The following PNPLA8 variants were observed in gnomAD, a reference collection of about 807,000 sequenced individuals.
PNPLA8 encodes calcium-independent phospholipase A2-gamma.
A neutral mutation model predicts 76.9 loss-of-function variants in PNPLA8; 39 were observed. The observed-to-expected ratio is 0.51, with a 90% confidence interval of 0.39 to 0.66. The LOEUF (loss-of-function observed/expected upper bound fraction) is 0.66, where lower values mean the gene tolerates loss of function less well. Among genes scored for constraint, PNPLA8 ranks in the 30% least tolerant of loss-of-function variants. The probability of loss-of-function intolerance (pLI) is 0.00; values close to 1 mark genes in which losing one functional copy is unlikely to be tolerated. For missense variants in PNPLA8, 887 were observed against 918.0 expected (o/e 0.97, Z 0.44); for synonymous variants, 301 against 307.9 (o/e 0.98, Z 0.24).
chr7:108,482,740 T>C (rs1563937269), intron 9 of PNPLA8, among the ~76,000 whole-genome samples: 1 of 152,242 alleles, frequency 6.6e-6, no homozygotes, highest in Non-Finnish European at 1.5e-5. Context: ...GTCAGATTTA[T>C]ATCTAAGTGT....
Position 108,471,839 on chromosome 7 carries a change from T to G in PNPLA8, c.*562A>C, listed in dbSNP as rs1859651692. Reference sequence around the variant, plus strand: ...ACATATCTGAATAGAAAACTGTATCTGGTTCTTTTTTATGTCAAATGTAAA... The same window carrying G: ...ACATATCTGAATAGAAAACTGTATCGGGTTCTTTTTTATGTCAAATGTAAA... On this transcript the variant is annotated 3_prime_UTR_variant, in exon 11 of 11. Transcript: ENST00000257694. The G allele has an allele frequency of 6.6e-6, 1 of 152,240 alleles. No individual in the cohort carries two copies. Among genetic ancestry groups the G allele is most frequent in the Admixed American group, 6.5e-5 (1 of 15,284 alleles). 9.4% of individuals were successfully genotyped at this position (152,240 alleles called of 1,614,324 possible). A position where few individuals can be genotyped will look rare whatever the true frequency, so the allele number is the denominator to read the frequency against.
chr7:108,520,310 C>T (rs945450715), intron 2 of PNPLA8, among the ~76,000 whole-genome samples: 9 of 152,138 alleles, frequency 5.9e-5, no homozygotes, highest in Non-Finnish European at 1.2e-4. Context: ...CACAAAAACA[C>T]TTAATATAAA....
chr7:108,506,817 T>A (rs567175541), intron 4 of PNPLA8, among the ~76,000 whole-genome samples: 1 of 152,264 alleles, frequency 6.6e-6, no homozygotes, highest in South Asian at 2.1e-4. Context: ...CTGATCAACC[T>A]TTTTGGGAAC....
intron 10 of PNPLA8, among the ~76,000 whole-genome samples, chr7:108,476,115 A>T (rs1162711817): frequency 6.6e-6 from 1 of 152,132 alleles, no homozygotes. Flanking sequence ...CACAGATTAA[A>T]CCCTATAAAA....
At chr7:108,491,315 A>AAAAAT (rs1300509896) in intron 8 of PNPLA8, 95 bp downstream of exon 8, 5 of 786,700 alleles carry the variant, frequency 6.4e-6, no homozygotes, top group Non-Finnish European at 1.1e-5. Context: ...CTCAAAAAAT[A>AAAAAT]AAAATAAAAT....
chr7:108,507,285 G>A (rs1409518781), intron 4 of PNPLA8, among the ~76,000 whole-genome samples: 2 of 138,176 alleles, frequency 1.4e-5, no homozygotes, highest in Non-Finnish European at 3.1e-5. Flanking sequence ...GGAGGTTGCA[G>A]TGAGCTGAGA....
Position 108,514,499 on chromosome 7 carries a change from A to T in PNPLA8, c.993T>A (p.Asp331Glu). 1.2e-6 allele frequency: 2 copies of T among 1,613,248 alleles called. No individual in the cohort carries two copies. Among genetic ancestry groups the T allele is most frequent in the Non-Finnish European group, 1.7e-6 (2 of 1,179,264 alleles). Residue 331 changes from aspartate to glutamate, a missense_variant, in exon 3 of 11, where the codon GAT becomes GAA. By Grantham distance (45) the Asp-to-Glu change is conservative. Coordinates refer to ENST00000257694, the MANE Select transcript of PNPLA8 (RefSeq NM_001256007.3). ...CATTTCTGTCTTTGCTGACAGCCTG[A>T]TCAGTTTTAGCAGGCTCTTCCTGTT... ...SEEQEEPAKT[D>E]QAVSKDRNAE...
At chr7:108,505,941 C>A (rs1346035960) in intron 4 of PNPLA8, among the ~76,000 whole-genome samples, 2 of 152,000 alleles carry the variant, frequency 1.3e-5, no homozygotes, top group Non-Finnish European at 2.9e-5. Context: ...TAGGCAAGAT[C>A]TGGAATAGGT....
Position 108,496,576 on chromosome 7 carries a change from T to C in PNPLA8, c.1625+8A>G, listed in dbSNP as rs372287503. 158 of 1,564,164 alleles carry C rather than the reference T, an allele frequency of 1.0e-4. No homozygotes were observed. The highest frequency in any genetic ancestry group is 1.3e-4 in the Non-Finnish European group (153 of 1,148,892). On this transcript the variant is annotated splice_region_variant and intron_variant, in intron 7 of 10. Coordinates refer to ENST00000257694, the MANE Select transcript of PNPLA8 (RefSeq NM_001256007.3). ...TCAGAAGATTTAAAAAGAGTAATTG[T>C]AACTTACTTAAGAATGTTTTCCCAT...
At position 108,479,315 on chromosome 7, in the gene PNPLA8, G is replaced by C. The variant is rs1860227131; in HGVS notation, c.1943C>G (p.Pro648Arg). The change falls in exon 10 of 11, where the codon CCA becomes CGA. Residue 648 changes from proline (P) to arginine (R), a missense_variant. Pro to Arg is a moderately radical substitution (Grantham distance 103). Coordinates refer to ENST00000257694, the MANE Select transcript of PNPLA8 (RefSeq NM_001256007.3). Reference sequence around the variant, plus strand: ...TACTATGCACTCTAACGGCACATCTGGCCAAAGACATTTACACTCATGCAT... The same window carrying C: ...TACTATGCACTCTAACGGCACATCTCGCCAAAGACATTTACACTCATGCAT... ...LAMHECKCLW[P>R]DVPLECIVSL... 1 of 1,613,056 alleles carries C rather than the reference G, an allele frequency of 6.2e-7. No individual in the cohort carries two copies.
At chr7:108,475,711 C>T (rs1471125676) in intron 10 of PNPLA8, among the ~76,000 whole-genome samples, 1 of 152,154 alleles carries the variant, frequency 6.6e-6, no homozygotes, top group Non-Finnish European at 1.5e-5. Flanking sequence ...GACTACCCCA[C>T]TTTTCTGGTG....
At chr7:108,516,560 A>G (rs1863356512) in intron 2 of PNPLA8, among the ~76,000 whole-genome samples, 1 of 152,228 alleles carries the variant, frequency 6.6e-6, no homozygotes, top group South Asian at 2.1e-4. Context: ...GACAATATCA[A>G]ATGCACAATA....
intron 9 of PNPLA8, among the ~76,000 whole-genome samples, chr7:108,481,440 TG>T (rs1860389628): frequency 6.6e-6 from 1 of 152,232 alleles, no homozygotes; most frequent in Admixed American, 6.5e-5. Context: ...TGTTTTAATT[TG>T]TGATTCTCCA....
In PNPLA8 at chr7:108,514,754, T is replaced by G. The variant is rs765838813; in HGVS notation, c.738A>C (p.Leu246Phe). ...LEDKKVEEGK[L>F]RSPDPGILAY... ...CCAGGATGCCAGGATCTGGAGATCT[T>G]AATTTCCCCTCTTCTACCTTTTTAT... The change falls in exon 3 of 11, where the codon TTA (leucine) becomes TTC (phenylalanine). Residue 246 changes from leucine to phenylalanine, a missense_variant. By Grantham distance (22) the Leu-to-Phe change is conservative. Coordinates refer to ENST00000257694, the MANE Select transcript of PNPLA8 (RefSeq NM_001256007.3). 1.9e-6 allele frequency: 3 copies of G among 1,613,240 alleles called. No homozygotes were observed. The highest frequency in any genetic ancestry group is 3.3e-5 in the Admixed American group (2 of 59,924).
intron 4 of PNPLA8, among the ~76,000 whole-genome samples, chr7:108,512,768 A>G (rs971855810): frequency 6.6e-6 from 1 of 152,164 alleles, no homozygotes; most frequent in Non-Finnish European, 1.5e-5. Context: ...CAGACTACCT[A>G]GATTTTTATT....
intron 5 of PNPLA8, 125 bp downstream of exon 5, chr7:108,502,366 C>G: frequency 1.3e-6 from 1 of 744,380 alleles, no homozygotes. Context: ...TCGCTTGAAC[C>G]TGGGAGGCAG....
chr7:108,498,347 C>G (rs1470756755), intron 5 of PNPLA8, among the ~76,000 whole-genome samples: 1 of 151,770 alleles, frequency 6.6e-6, no homozygotes, highest in Non-Finnish European at 1.5e-5. Context: ...TCACTGCAAC[C>G]TCCGCCTCCT....
chr7:108,472,798 A>G, intron 10 of PNPLA8, 123 bp from the exon 11 acceptor site: 2 of 606,446 alleles, frequency 3.3e-6, no homozygotes, highest in Non-Finnish European at 2.7e-6. Flanking sequence ...AAGATTCACT[A>G]ATTTCATTAT....
At chr7:108,486,859 C>A (rs978335206) in intron 9 of PNPLA8, among the ~76,000 whole-genome samples, 2 of 151,856 alleles carry the variant, frequency 1.3e-5, no homozygotes, top group African/African-American at 4.8e-5. Context: ...AGATATCTGA[C>A]CAAATAAAGA....
Sources: allele counts gnomAD v4.1 joint callset (sites outside exome capture counted in the v4.1 genomes callset), GRCh38; gene constraint gnomAD v4.1.1; transcripts MANE v1.5; gene names NCBI Gene and HGNC (gene_info 2026-07-23, HGNC 2026-07-21).